CEP192: variants seen among roughly 807,000 people sequenced by gnomAD.
CEP192 encodes centrosomal protein 192.
A neutral mutation model predicts 271.8 loss-of-function variants in CEP192; 151 were observed. That is an observed-to-expected ratio of 0.56 (90% confidence interval 0.49 to 0.64). The LOEUF (loss-of-function observed/expected upper bound fraction) is 0.64, where lower values mean the gene tolerates loss of function less well. Ranked by LOEUF, CEP192 falls within the 30% of genes least tolerant of loss-of-function variation. The probability of loss-of-function intolerance (pLI) is 0.00; values close to 1 mark genes in which losing one functional copy is unlikely to be tolerated. For missense variants in CEP192, 2,910 were observed against 3,020.5 expected (o/e 0.96, Z 0.86); for synonymous variants, 995 against 1,076.5 (o/e 0.92, Z 1.48).
rs190758085 is a variant in CEP192, at chr18:13,117,447, A to T, written c.7417-138A>T. The T allele has an allele frequency of 7.7e-5, 46 of 595,158 alleles. 1 individual carries two copies. In the Admixed American group the frequency reaches 1.1e-3, roughly 14 times the overall value. The allele number at this position is 595,158 out of a possible 1,614,324, so 36.9% of individuals were successfully genotyped here. A position where few individuals can be genotyped will look rare whatever the true frequency, so the allele number is the denominator to read the frequency against. The stretch of plus-strand genomic sequence containing the variant: ...TTAAATATGTTTTCATTACATTAGC[A>T]TTTATTGTACTACCTAATTTTGTGG... On this transcript the variant is annotated intron_variant, in intron 43 of 44. Coordinates refer to ENST00000506447, the MANE Select transcript of CEP192 (RefSeq NM_032142.4).
At chr18:13,055,033 T>A (rs1422288347) in intron 18 of CEP192, among the ~76,000 whole-genome samples, 2 of 152,098 alleles carry the variant, frequency 1.3e-5, no homozygotes. Context: ...ATCCCAGCAC[T>A]TTGGGAGGCT....
intron 9 of CEP192, among the ~76,000 whole-genome samples, chr18:13,027,157 A>G (rs1163039368): frequency 6.6e-6 from 1 of 152,138 alleles, no homozygotes; most frequent in Non-Finnish European, 1.5e-5. Flanking sequence ...GGGTGGCTAG[A>G]GGGAGCTGGA....
intron 4 of CEP192, among the ~76,000 whole-genome samples, chr18:13,012,654 C>A (rs1252788431): frequency 6.6e-6 from 1 of 152,140 alleles, no homozygotes; most frequent in African/African-American, 2.4e-5. Flanking sequence ...TAGTTTGTCC[C>A]ACTATTTGGG....
intron 44 of CEP192, among the ~76,000 whole-genome samples, chr18:13,122,667 C>A (rs1454554469): frequency 1.3e-5 from 2 of 152,188 alleles, no homozygotes; most frequent in African/African-American, 2.4e-5. Context: ...GTAGATGGGG[C>A]CTGCAGGGAG....
At position 13,103,517 on chromosome 18, in the gene CEP192, C is replaced by T. The variant is rs1402405797; in HGVS notation, c.6880C>T (p.Leu2294=). ...ATATGTGTTCCTTTTAGAGAGCTGT[C>T]TAGAACTCGAGAATCATGGCACCAC... ...TEPGETSESC[L]ELENHGTTDV... The change falls in exon 39 of 45, where the codon CTA becomes TTA. Residue 2294 remains leucine (L), a synonymous_variant. Transcript: ENST00000506447. 1 of 1,613,362 alleles carries T rather than the reference C, an allele frequency of 6.2e-7. No individual in the cohort carries two copies.
intron 30 of CEP192, among the ~76,000 whole-genome samples, 186 bp downstream of exon 30, chr18:13,073,371 G>A (rs539742678): frequency 1.1e-4 from 17 of 152,264 alleles, no homozygotes; most frequent in African/African-American, 3.9e-4. Context: ...AGCAGCCAGC[G>A]TAGTATTCCT....
intron 33 of CEP192, among the ~76,000 whole-genome samples, chr18:13,091,459 C>T (rs187852234): frequency 1.0e-4 from 8 of 76,358 alleles, no homozygotes; most frequent in African/African-American, 6.8e-4. Flanking sequence ...TGGTTGGTAC[C>T]ATAGATCACC....
At chr18:13,123,838 T>A (rs1383912974) in intron 44 of CEP192, among the ~76,000 whole-genome samples, 2 of 152,214 alleles carry the variant, frequency 1.3e-5, no homozygotes, top group Non-Finnish European at 2.9e-5. Flanking sequence ...TACTGTAATC[T>A]GAAAGTAAAG....
chr18:13,003,903 C>T (rs778117759), intron 3 of CEP192, among the ~76,000 whole-genome samples: 8 of 152,020 alleles, frequency 5.3e-5, no homozygotes, highest in African/African-American at 1.5e-4. Context: ...TGGAAGAGAG[C>T]GAACAGGCGT....
chr18:13,012,774 T>C (rs532182067), intron 4 of CEP192, among the ~76,000 whole-genome samples, 199 bp from the exon 5 acceptor site: 1 of 152,230 alleles, frequency 6.6e-6, no homozygotes, highest in Non-Finnish European at 1.5e-5. Flanking sequence ...TCAAGTTCTT[T>C]GGTACAATTT....
chr18:12,999,308 TAA>T, intron 1 of CEP192, 111 bp from the exon 2 acceptor site: 2 of 830,310 alleles, frequency 2.4e-6, no homozygotes, highest in Non-Finnish European at 3.6e-6. Flanking sequence ...TTACTAATGC[TAA>T]AAAAAGGATT....
intron 32 of CEP192, chr18:13,088,693 C>T (rs2039006315): frequency 4.1e-6 from 1 of 242,392 alleles, no homozygotes; most frequent in South Asian, 4.8e-5. Flanking sequence ...ACCCTTTGTG[C>T]TTGACTGTTT....
At chr18:13,071,663 G>A (rs778743644) in intron 28 of CEP192, among the ~76,000 whole-genome samples, 3 of 152,198 alleles carry the variant, frequency 2.0e-5, no homozygotes, top group Non-Finnish European at 2.9e-5. Flanking sequence ...ATGGAGCACC[G>A]AAGGGAGAGG....
At chr18:13,090,919 T>A (rs886250401) in intron 33 of CEP192, among the ~76,000 whole-genome samples, 8 of 152,284 alleles carry the variant, frequency 5.3e-5, no homozygotes, top group Non-Finnish European at 1.2e-4. Flanking sequence ...TGCCCCACCA[T>A]ATAGCAACAG....
chr18:13,123,867 T>C (rs2040784824), intron 44 of CEP192, among the ~76,000 whole-genome samples: 1 of 152,168 alleles, frequency 6.6e-6, no homozygotes, highest in African/African-American at 2.4e-5. Flanking sequence ...ATATTTTTGA[T>C]GAAAGTTTCC....
At chr18:13,067,614 C>G (rs2037780499) in intron 21 of CEP192, among the ~76,000 whole-genome samples, 1 of 152,152 alleles carries the variant, frequency 6.6e-6, no homozygotes, top group African/African-American at 2.4e-5. Flanking sequence ...CAGCTGAATT[C>G]TGTAGTATAT....
intron 36 of CEP192, among the ~76,000 whole-genome samples, chr18:13,097,742 T>TA (rs2039475321): frequency 6.7e-6 from 1 of 149,730 alleles, no homozygotes; most frequent in East Asian, 2.0e-4. Context: ...GGTCAGCAGA[T>TA]AAACAAGTGA....
chr18:13,124,699 C>G lies in CEP192; in HGVS notation c.7543C>G (p.Leu2515Val). Residue 2515 changes from leucine (L) to valine (V), a missense_variant, in exon 45 of 45, where the codon CTT becomes GTT. By Grantham distance (32) the Leu-to-Val change is conservative (BLOSUM62 1). Transcript: ENST00000506447. ...GTCCGCAGGCAAATTTGAAGCTTTG[C>G]TTGTCATTCAAACAGATGAAGGCAA... is the stretch of plus-strand genomic sequence containing the variant. ...PKSAGKFEAL[L>V]VIQTDEGKSI... 1 of 1,614,004 alleles carries G rather than the reference C, an allele frequency of 6.2e-7. No individual in the cohort carries two copies. The highest frequency in any genetic ancestry group is 8.5e-7 in the Non-Finnish European group (1 of 1,179,932).
intron 3 of CEP192, among the ~76,000 whole-genome samples, chr18:13,005,703 G>A (rs571142403): frequency 2.0e-4 from 31 of 152,338 alleles, no homozygotes; most frequent in African/African-American, 7.2e-4. Flanking sequence ...GGCTTCCTTG[G>A]ACACTATACT....
Sources: gnomAD v4.1 joint callset for allele counts (sites outside exome capture counted in the v4.1 genomes callset) on GRCh38, gnomAD v4.1.1 for gene constraint, MANE v1.5 for transcripts, NCBI Gene and HGNC (gene_info 2026-07-23, HGNC 2026-07-21) for gene names.